HEG1: variants seen among roughly 807,000 people sequenced by gnomAD.
HEG1 encodes the protein heart development protein with EGF like domains 1, also known as protein HEG homolog 1.
A neutral mutation model predicts 125.6 loss-of-function variants in HEG1; 56 were observed. The observed-to-expected ratio is 0.45, with a 90% confidence interval of 0.36 to 0.56. The LOEUF (loss-of-function observed/expected upper bound fraction) is 0.56. Ranked by LOEUF, HEG1 falls within the 20% of genes least tolerant of loss-of-function variation. The pLI is 0.00. For synonymous variants in HEG1, 644 were observed against 668.5 expected (o/e 0.96, Z 0.57); for missense variants, 1,523 against 1,670.0 (o/e 0.91, Z 1.53).
chr3:125,014,084 A>C, intron 5 of HEG1, 94 bp from the exon 6 acceptor site: 7 of 1,153,324 alleles, frequency 6.1e-6, no homozygotes, highest in African/African-American at 1.6e-5. Context: ...CATGAAACTC[A>C]ATGAATTCAA....
At chr3:124,982,426 G>A (rs546927793) in intron 14 of HEG1, among the ~76,000 whole-genome samples, 2 of 152,344 alleles carry the variant, frequency 1.3e-5, no homozygotes, top group African/African-American at 4.8e-5. Context: ...TGAGACAGAG[G>A]CAGTGAATGT....
rs4679257 is a variant in HEG1, at chr3:125,037,745, C to A, written c.317-8257G>T. ...GCACTGGTGAGAAACTACTGCTTTC[C>A]GTGTCTCTAGAAATTCAATTCTTAA... is the stretch of plus-strand genomic sequence containing the variant. On this transcript the variant is annotated intron_variant, in intron 1 of 16. Transcript: ENST00000311127. Among the ~76,000 whole-genome samples, 40 of 152,308 alleles carry A rather than the reference C, an allele frequency of 2.6e-4. 2 individuals carry two copies. Among genetic ancestry groups the A allele is most frequent in the African/African-American group, 8.7e-4 (36 of 41,562 alleles).
In HEG1 at chr3:125,016,313, A is replaced by C. The variant is rs566166106; in HGVS notation, c.1589-2323T>G. 5.3e-5 allele frequency among the ~76,000 whole-genome samples: 8 copies of C among 152,296 alleles called. No homozygotes were observed. In the South Asian group the frequency reaches 1.7e-3, roughly 32 times the overall value. On this transcript the variant is annotated intron_variant, in intron 5 of 16. Coordinates refer to ENST00000311127, the MANE Select transcript of HEG1 (RefSeq NM_020733.2). ...TTGGGTGACTCTGAGGGAAAAAGAT[A>C]AAGTATTGTGTTAACCCACAGTGAG...
rs1936408835 is a variant in HEG1, at chr3:124,970,696, G to A, written c.4102C>T (p.Pro1368Ser). ...HSCIFPGQYN[P>S]SFISDESRRR... Reference sequence around the variant, plus strand: ...CTGCTTTCATCACTGATGAAAGACGGGTTATACTGTCCGGGGAAAATGCAA... The same window carrying A: ...CTGCTTTCATCACTGATGAAAGACGAGTTATACTGTCCGGGGAAAATGCAA... Residue 1368 changes from proline (P) to serine (S), a missense_variant, in exon 17 of 17, where the codon CCG (proline) becomes TCG (serine). Pro to Ser is a moderately conservative substitution (Grantham distance 74). Transcript: ENST00000311127. 3 of 1,608,224 alleles carry A rather than the reference G, an allele frequency of 1.9e-6. No individual in the cohort carries two copies. Among genetic ancestry groups the A allele is most frequent in the Non-Finnish European group, 2.5e-6 (3 of 1,177,316 alleles).
intron 14 of HEG1, among the ~76,000 whole-genome samples, chr3:124,987,881 A>C (rs901950565): frequency 9.2e-5 from 13 of 141,256 alleles, no homozygotes; most frequent in African/African-American, 3.4e-4. Flanking sequence ...TGTAACCTCT[A>C]CTCTTAGCCT....
rs902019260 is a variant in HEG1 at position 125,002,296 on chromosome 3, G to A, written c.3317C>T (p.Ala1106Val). The A allele has an allele frequency of 5.6e-6, 9 of 1,613,284 alleles. No homozygotes were observed. The highest frequency in any genetic ancestry group is 2.2e-5 in the South Asian group (2 of 91,000). The stretch of plus-strand genomic sequence containing the variant: ...TGTAGATCGGATGTAACTAGGTAAC[G>A]CTGAAAAACACATATTTAACTGAAA... ...ITKTLNMCFS[A>V]LPSYIRSTVH... Residue 1106 changes from alanine (A) to valine (V), a missense_variant, in exon 10 of 17, where the codon GCG becomes GTG. Physicochemically the swap from Ala to Val is moderately conservative, Grantham distance 64. Coordinates refer to ENST00000311127, the MANE Select transcript of HEG1 (RefSeq NM_020733.2).
At position 124,969,158 on chromosome 3, in the gene HEG1, G is replaced by A. The variant is rs1936379178; in HGVS notation, c.*1494C>T. 1 of 152,146 alleles carries A rather than the reference G, an allele frequency of 6.6e-6. No individual in the cohort carries two copies. The highest frequency in any genetic ancestry group is 2.1e-4 in the South Asian group (1 of 4,820). 9.4% of individuals were successfully genotyped at this position (152,146 alleles called of 1,614,324 possible). On this transcript the variant is annotated 3_prime_UTR_variant, in exon 17 of 17. Transcript: ENST00000311127. The stretch of plus-strand genomic sequence containing the variant: ...GAAGCGGGACTCCCCGCTTCAGGGT[G>A]GAGACAATTCTTTTACCTCTGTATT...
chr3:125,012,694 G>C lies in HEG1; in HGVS notation c.2885C>G (p.Ala962Gly). Residue 962 changes from alanine (A) to glycine (G), a missense_variant, in exon 6 of 17, where the codon GCT becomes GGT. Coordinates refer to ENST00000311127, the MANE Select transcript of HEG1 (RefSeq NM_020733.2). ...TTVVSTAEDL[A>G]PKSATFAVQS... is the part of the protein sequence containing the mutation. The stretch of plus-strand genomic sequence containing the variant: ...AACAGCAAAGGTGGCAGATTTGGGA[G>C]CCAAGTCTTCAGCCGTGGAAACAAC... The C allele has an allele frequency of 6.2e-7, 1 of 1,613,894 alleles. No individual in the cohort carries two copies. Among genetic ancestry groups the C allele is most frequent in the Non-Finnish European group, 8.5e-7 (1 of 1,179,840 alleles).
intron 1 of HEG1, among the ~76,000 whole-genome samples, chr3:125,054,007 C>A (rs1937872804): frequency 6.6e-6 from 1 of 152,256 alleles, no homozygotes; most frequent in Non-Finnish European, 1.5e-5. Context: ...GCTAAGACAG[C>A]CTGACTACTA....
Position 125,036,213 on chromosome 3 carries a change from A to AAAAAAAAAAAAG in HEG1, c.317-6726_317-6725insCTTTTTTTTTTT, listed in dbSNP as rs1363063803. 1.3e-3 allele frequency among the ~76,000 whole-genome samples: 201 copies of AAAAAAAAAAAAG among 149,784 alleles called. 5 individuals carry two copies. The highest frequency in any genetic ancestry group is 3.8e-3 in the African/African-American group (154 of 40,952). On this transcript the variant is annotated intron_variant, in intron 1 of 16. Transcript: ENST00000311127. ...TGACAAAGCAAGACCCTGTCTCAAA[A>AAAAAAAAAAAAG]AAAAAAAAAAAAAGAAAAGAAATGG...
At chr3:125,043,170 C>T (rs972361531) in intron 1 of HEG1, among the ~76,000 whole-genome samples, 1 of 152,222 alleles carries the variant, frequency 6.6e-6, no homozygotes, top group African/African-American at 2.4e-5. Context: ...AATCTACCTC[C>T]CCTCCCTGTG....
chr3:125,047,161 G>A (rs1355529290), intron 1 of HEG1, among the ~76,000 whole-genome samples: 2 of 152,224 alleles, frequency 1.3e-5, no homozygotes, highest in Non-Finnish European at 2.9e-5. Context: ...AGTTAACAGA[G>A]GTCTTTGGAA....
intron 11 of HEG1, among the ~76,000 whole-genome samples, chr3:124,998,738 G>A (rs544389799): frequency 6.6e-6 from 1 of 152,298 alleles, no homozygotes; most frequent in South Asian, 2.1e-4. Context: ...CACAATGAGG[G>A]TGCATAGGCC....
chr3:125,002,261 A>G lies in HEG1; in HGVS notation c.3352T>C (p.Ser1118Pro), dbSNP rs1336750152. The stretch of plus-strand genomic sequence containing the variant: ...AAATATAATTCTGTTACTTACCTAG[A>G]GGCGTGAACTGTAGATCGGATGTAA... ...PSYIRSTVHASRESNAVVISL... is the reference protein window; with the variant it reads ...PSYIRSTVHAPRESNAVVISL... Residue 1118 changes from serine to proline, a missense_variant, in exon 10 of 17, where the codon TCT becomes CCT. By Grantham distance (74) the Ser-to-Pro change is moderately conservative. Coordinates refer to ENST00000311127, the MANE Select transcript of HEG1 (RefSeq NM_020733.2). The G allele has an allele frequency of 1.2e-6, 2 of 1,612,062 alleles. No individual in the cohort carries two copies. The highest frequency in any genetic ancestry group is 1.7e-5 in the Admixed American group (1 of 59,882).
chr3:125,020,455 C>T (rs749191575), intron 4 of HEG1, among the ~76,000 whole-genome samples: 6 of 151,880 alleles, frequency 4.0e-5, no homozygotes, highest in Non-Finnish European at 5.9e-5. Flanking sequence ...AAGAGTAGGC[C>T]GGCTCTCAGC....
intron 11 of HEG1, 73 bp downstream of exon 11, chr3:125,001,779 A>G (rs1937002922): frequency 1.4e-5 from 21 of 1,518,520 alleles, no homozygotes; most frequent in Admixed American, 3.9e-5. Context: ...TGAGCCCTGG[A>G]TGCCTTGCAT....
chr3:125,011,393 CA>C (rs1230758733), intron 6 of HEG1, among the ~76,000 whole-genome samples: 1 of 152,182 alleles, frequency 6.6e-6, no homozygotes, highest in Non-Finnish European at 1.5e-5. Context: ...AACACTGGCA[CA>C]AAAAATATAG....
intron 1 of HEG1, among the ~76,000 whole-genome samples, chr3:125,040,998 G>A (rs1052403027): frequency 1.3e-5 from 2 of 152,210 alleles, no homozygotes; most frequent in Non-Finnish European, 2.9e-5. Context: ...TACAGAAGTG[G>A]AGACTGAGGC....
chr3:125,048,430 G>C (rs1019750883), intron 1 of HEG1, among the ~76,000 whole-genome samples: 8 of 152,202 alleles, frequency 5.3e-5, no homozygotes, highest in African/African-American at 1.9e-4. Context: ...CCTGAGACAA[G>C]GCAAGCTGGG....
Sources: gnomAD v4.1 joint callset for allele counts (sites outside exome capture counted in the v4.1 genomes callset) on GRCh38, gnomAD v4.1.1 for gene constraint, MANE v1.5 for transcripts, NCBI Gene and HGNC (gene_info 2026-07-23, HGNC 2026-07-21) for gene names.